LSAMP: variants seen among roughly 807,000 people sequenced by gnomAD.
LSAMP encodes limbic system associated membrane protein.
Under a neutral mutation model 38.6 loss-of-function variants are expected in LSAMP, and 7 were observed. That is an observed-to-expected ratio of 0.18 (90% CI 0.10 to 0.34). LSAMP has a LOEUF of 0.34. Among genes scored for constraint, LSAMP ranks in the 10% least tolerant of loss-of-function variants. The pLI is 1.00. For missense variants in LSAMP, 313 were observed against 420.0 expected, an observed-to-expected ratio of 0.75 and a Z score of 2.23; for synonymous variants, 154 against 166.8, an observed-to-expected ratio of 0.92 and a Z score of 0.59.
rs115422093 is a variant in LSAMP at position 116,001,811 on chromosome 3, A to G, written c.514+17704T>C. ...CTTCTCTCTGATAAAGATCTTTGTG[A>G]TTACATTGGGCCTATCCAAATAATC... On this transcript the variant is annotated intron_variant, in intron 3 of 6. Coordinates refer to ENST00000490035, the MANE Select transcript of LSAMP (RefSeq NM_002338.5). Among the ~76,000 whole-genome samples the G allele has an allele frequency of 3.8e-3, 576 of 152,220 alleles. 5 individuals are homozygous for G. The highest frequency in any genetic ancestry group is 0.013 in the African/African-American group (551 of 41,560).
chr3:116,074,421 A>G (rs1412162507), intron 2 of LSAMP, among the ~76,000 whole-genome samples: 2 of 152,192 alleles, frequency 1.3e-5, no homozygotes, highest in Admixed American at 6.5e-5. Context: ...GACACTTTCC[A>G]TAATTTTTTT....
At chr3:116,041,815 A>C (rs747338352) in intron 2 of LSAMP, among the ~76,000 whole-genome samples, 5,664 of 148,256 alleles carry the variant, frequency 0.038, 142 homozygotes, top group Middle Eastern at 0.13. Context: ...ACAAAACAAA[A>C]CAAAAAAAAA....
At chr3:116,036,774 T>C (rs1348942875) in intron 2 of LSAMP, among the ~76,000 whole-genome samples, 1 of 152,178 alleles carries the variant, frequency 6.6e-6, no homozygotes, top group Non-Finnish European at 1.5e-5. Context: ...CATTCACAAC[T>C]ATTAAGATAA....
intron 1 of LSAMP, among the ~76,000 whole-genome samples, chr3:116,144,071 A>C (rs1486980819): frequency 6.6e-6 from 1 of 151,998 alleles, no homozygotes; most frequent in Admixed American, 6.6e-5. Flanking sequence ...AGGCAGATAA[A>C]ATTTGGAAGT....
chr3:115,918,181 C>T (rs1937296562), intron 3 of LSAMP, among the ~76,000 whole-genome samples: 1 of 152,146 alleles, frequency 6.6e-6, no homozygotes, highest in African/African-American at 2.4e-5. Flanking sequence ...CATTAAGACC[C>T]TGGGTCTATT....
chr3:116,256,517 A>G (rs1415361316), intron 1 of LSAMP, among the ~76,000 whole-genome samples: 1 of 152,232 alleles, frequency 6.6e-6, no homozygotes, highest in Non-Finnish European at 1.5e-5. Flanking sequence ...AAGAAGTAAT[A>G]AAACAGTCCA....
rs72643480 is a variant in LSAMP at position 116,103,104 on chromosome 3, T to C, written c.156-16548A>G. On this transcript the variant is annotated intron_variant, in intron 1 of 6. Coordinates refer to ENST00000490035, the MANE Select transcript of LSAMP (RefSeq NM_002338.5). ...TGGTGTGTATAGCTTTAGTCAGAGG[T>C]GGATTATCTAGTTTCTTTACTATAT... is the stretch of plus-strand genomic sequence containing the variant. Among the ~76,000 whole-genome samples the C allele has an allele frequency of 6.6e-3, 1,008 of 152,148 alleles. 10 individuals are homozygous for C. The highest frequency in any genetic ancestry group is 0.062 in the East Asian group (318 of 5,166).
chr3:116,258,597 G>A (rs1002795766), intron 1 of LSAMP, among the ~76,000 whole-genome samples: 2 of 152,022 alleles, frequency 1.3e-5, no homozygotes. Context: ...TCAGGTGATG[G>A]AAATTTCTTT....
At chr3:115,822,565 GGT>G (rs1934279970) in intron 6 of LSAMP, among the ~76,000 whole-genome samples, 1 of 151,948 alleles carries the variant, frequency 6.6e-6, no homozygotes, top group Non-Finnish European at 1.5e-5. Flanking sequence ...TCTCCATGTT[GGT>G]CAGGCTGGTC....
intron 4 of LSAMP, among the ~76,000 whole-genome samples, chr3:115,846,548 T>C (rs1935166605): frequency 6.6e-6 from 1 of 152,180 alleles, no homozygotes; most frequent in Non-Finnish European, 1.5e-5. Context: ...TAATTAGCCC[T>C]AGGAAGTAAA....
rs187551685 is a variant in LSAMP at position 115,921,750 on chromosome 3, A to C, written c.515-69133T>G. On this transcript the variant is annotated intron_variant, in intron 3 of 6. Coordinates refer to ENST00000490035, the MANE Select transcript of LSAMP (RefSeq NM_002338.5). ...TATAAGGTAGGTCTAGCACTGCTGA[A>C]CTCCCTTAATTTTTGTTTATATGCA... Among the ~76,000 whole-genome samples the C allele has an allele frequency of 3.3e-5, 5 of 151,750 alleles. No individual in the cohort carries two copies. In the East Asian group the frequency reaches 9.7e-4, roughly 29 times the overall value.
chr3:116,272,191 G>A lies in LSAMP; in HGVS notation c.155+172686C>T, dbSNP rs72947972. Among the ~76,000 whole-genome samples, 433 of 152,090 alleles carry A rather than the reference G, an allele frequency of 2.8e-3. 4 individuals carry two copies. The highest frequency in any genetic ancestry group is 9.4e-3 in the African/African-American group (390 of 41,500). On this transcript the variant is annotated intron_variant, in intron 1 of 6. Transcript: ENST00000490035. Reference sequence around the variant, plus strand: ...TAAAAACAACACAGAAACTATGTATGTGCGAATAACACTTCTGCCCAGTGA... The same window carrying A: ...TAAAAACAACACAGAAACTATGTATATGCGAATAACACTTCTGCCCAGTGA...
At chr3:116,193,382 G>C (rs1710800958) in intron 1 of LSAMP, among the ~76,000 whole-genome samples, 1 of 152,142 alleles carries the variant, frequency 6.6e-6, no homozygotes, top group Admixed American at 6.5e-5. Context: ...AGACATGACT[G>C]ACAAGCCTTG....
At chr3:116,299,784 T>C (rs55893774) in intron 1 of LSAMP, among the ~76,000 whole-genome samples, 37,931 of 152,060 alleles carry the variant, frequency 0.25, 7,807 homozygotes, top group African/African-American at 0.57. Flanking sequence ...ATCGTCTATA[T>C]GGAAGTCCAG....
intron 1 of LSAMP, among the ~76,000 whole-genome samples, chr3:116,346,971 AT>A (rs370192085): frequency 6.6e-6 from 1 of 152,212 alleles, no homozygotes; most frequent in African/African-American, 2.4e-5. Context: ...AATAAATAAA[AT>A]GATAAAATGA....
At chr3:116,250,439 C>T (rs1390741404) in intron 1 of LSAMP, among the ~76,000 whole-genome samples, 1 of 152,108 alleles carries the variant, frequency 6.6e-6, no homozygotes. Context: ...TTCAATTCAT[C>T]CATCCCTACA....
intron 1 of LSAMP, among the ~76,000 whole-genome samples, chr3:116,347,266 A>G (rs1445500715): frequency 2.0e-5 from 3 of 152,192 alleles, no homozygotes; most frequent in African/African-American, 7.2e-5. Context: ...TTGCTTGTGC[A>G]TACAGAACTT....
chr3:115,910,721 C>A (rs1937115643), intron 3 of LSAMP, among the ~76,000 whole-genome samples: 1 of 152,174 alleles, frequency 6.6e-6, no homozygotes, highest in Non-Finnish European at 1.5e-5. Context: ...CTCAACACTG[C>A]AAACCACTAA....
At chr3:116,072,940 T>TTGCA (rs950492564) in intron 2 of LSAMP, among the ~76,000 whole-genome samples, 3 of 152,200 alleles carry the variant, frequency 2.0e-5, no homozygotes, top group African/African-American at 7.2e-5. Flanking sequence ...CTTGCTCTTG[T>TTGCA]TGCAATTGCT....
Sources: gnomAD v4.1 joint callset for allele counts (sites outside exome capture counted in the v4.1 genomes callset) on GRCh38, gnomAD v4.1.1 for gene constraint, MANE v1.5 for transcripts, NCBI Gene and HGNC (gene_info 2026-07-23, HGNC 2026-07-21) for gene names.